The following IL13RA1 variants were observed in gnomAD, a reference collection of about 807,000 sequenced individuals.
IL13RA1 encodes the protein interleukin-13 receptor subunit alpha-1.
A neutral mutation model predicts 33.8 loss-of-function variants in IL13RA1; 14 were observed. The ratio of observed to expected loss-of-function variants is 0.41; its 90% CI spans 0.27 to 0.65. The LOEUF is 0.65. Ranked by LOEUF, IL13RA1 falls within the 30% of genes least tolerant of loss-of-function variation. IL13RA1 has a pLI of 0.28. For synonymous variants in IL13RA1, 116 were observed against 115.7 expected (o/e 1.00, Z -0.02); for missense variants, 313 against 327.0 (o/e 0.96, Z 0.33).
chrX:118,747,211 C>A, intron 3 of IL13RA1, 119 bp downstream of exon 3: 1 of 460,032 alleles, frequency 2.2e-6, no homozygotes, highest in Non-Finnish European at 3.7e-6. Flanking sequence ...CTAATAAGTG[C>A]CAGGCATTGT....
At chrX:118,786,760 A>G (rs2017923191) in intron 10 of IL13RA1, among the ~76,000 whole-genome samples, 1 of 111,796 alleles carries the variant, frequency 8.9e-6, no homozygotes, top group African/African-American at 3.3e-5. Flanking sequence ...CAGTTTCACC[A>G]GTTTCTCCTC....
intron 1 of IL13RA1, among the ~76,000 whole-genome samples, chrX:118,728,471 C>A (rs1351783780): frequency 9.0e-6 from 1 of 111,708 alleles, no homozygotes; most frequent in Admixed American, 9.5e-5. Context: ...ATATCCCTCA[C>A]CCTGTTTGGT....
intron 8 of IL13RA1, among the ~76,000 whole-genome samples, chrX:118,772,514 A>G (rs2017734132): frequency 1.8e-5 from 2 of 112,504 alleles, no homozygotes; most frequent in Admixed American, 1.9e-4. Flanking sequence ...AACATCAATC[A>G]ATATGTTTAA....
intron 1 of IL13RA1, among the ~76,000 whole-genome samples, chrX:118,738,695 G>A (rs1298958619): frequency 3.7e-5 from 4 of 108,744 alleles, no homozygotes; most frequent in African/African-American, 1.3e-4. Flanking sequence ...AGGTGCATGT[G>A]TCTTTATGAT....
chrX:118,767,798 T>C (rs141568698), intron 8 of IL13RA1, among the ~76,000 whole-genome samples: 69 of 111,381 alleles, frequency 6.2e-4, no homozygotes, highest in African/African-American at 2.0e-3. Context: ...TGACTCAACA[T>C]TGTAATCTTA....
downstream of IL13RA1, among the ~76,000 whole-genome samples, chrX:118,799,111 C>T (rs373223357): frequency 4.4e-5 from 5 of 113,202 alleles, no homozygotes; most frequent in African/African-American, 9.6e-5. Context: ...CCAATGGCTG[C>T]GGAGGGTGTA....
At chrX:118,804,014 T>C in the IL13RA1 span, among the ~76,000 whole-genome samples, 19,583 of 100,122 alleles carry the variant, frequency 0.2, 2,004 homozygotes, top group East Asian at 0.48. Flanking sequence ...TGGAGTGCAA[T>C]GGTGCGATCT....
chrX:118,800,542 C>G, the IL13RA1 span, among the ~76,000 whole-genome samples: 3 of 110,999 alleles, frequency 2.7e-5, no homozygotes, highest in Non-Finnish European at 5.7e-5. Flanking sequence ...CGGAACACAT[C>G]TGAACATCAG....
At position 118,792,950 on chromosome X, in the gene IL13RA1, G is replaced by GC. The variant is rs1164774238; in HGVS notation, c.*1101dup. 9.0e-6 allele frequency: 1 copy of GC among 111,473 alleles called. No individual in the cohort carries two copies. The highest frequency in any genetic ancestry group is 1.9e-5 in the Non-Finnish European group (1 of 53,086). The allele number at this position is 111,473 out of a possible 1,213,427, so 9.2% of individuals were successfully genotyped here. ...TTACTGTGTCTTTGGTTTGTGCTAGGCCCCCGGGTGTGAAGCACAGACCCC... is the reference window on the plus strand; with the variant it reads ...TTACTGTGTCTTTGGTTTGTGCTAGGCCCCCCGGGTGTGAAGCACAGACCCC... On this transcript the variant is annotated 3_prime_UTR_variant, in exon 11 of 11. Transcript: ENST00000371666.
chrX:118,755,736 T>C (rs2017522997), intron 4 of IL13RA1, among the ~76,000 whole-genome samples: 1 of 112,359 alleles, frequency 8.9e-6, no homozygotes, highest in African/African-American at 3.2e-5. Flanking sequence ...AAAACAATTT[T>C]ACACATGGCT....
intron 5 of IL13RA1, among the ~76,000 whole-genome samples, chrX:118,760,752 G>A (rs915105585): frequency 4.5e-5 from 5 of 112,050 alleles, no homozygotes; most frequent in Non-Finnish European, 7.5e-5. Context: ...ATCTGCAGTT[G>A]TCTCTCAGTA....
chrX:118,772,451 GATA>G (rs766995425), intron 8 of IL13RA1, among the ~76,000 whole-genome samples: 2 of 112,391 alleles, frequency 1.8e-5, no homozygotes, highest in Non-Finnish European at 3.8e-5. Flanking sequence ...GAATCTTGGA[GATA>G]ATGTTAAAAG....
chrX:118,777,696 T>C (rs1464453380), intron 10 of IL13RA1, among the ~76,000 whole-genome samples: 1 of 112,040 alleles, frequency 8.9e-6, no homozygotes. Flanking sequence ...CTGTTATAGT[T>C]GGTTTCCTGC....
downstream of IL13RA1, among the ~76,000 whole-genome samples, chrX:118,797,590 T>C (rs751247444): frequency 1.8e-5 from 2 of 112,483 alleles, no homozygotes; most frequent in South Asian, 3.7e-4. Context: ...TTCTGGGACC[T>C]GTGGCTATGT....
rs12011553 is a variant in IL13RA1, at chrX:118,780,614, G to A, written c.1191+4103G>A. ...AGTGAAGGGGGAGCAGGCATCTTAC[G>A]TGGTGAGAGTGGGAACAAGAGGGGG... On this transcript the variant is annotated intron_variant, in intron 10 of 10. Coordinates refer to ENST00000371666, the MANE Select transcript of IL13RA1 (RefSeq NM_001560.3). Among the ~76,000 whole-genome samples the A allele has an allele frequency of 7.9e-3, 889 of 112,415 alleles. 10 individuals carry two copies. Among genetic ancestry groups the A allele is most frequent in the African/African-American group, 0.027 (834 of 30,975 alleles).
At chrX:118,790,026 T>C (rs907760623) in intron 10 of IL13RA1, among the ~76,000 whole-genome samples, 2 of 112,301 alleles carry the variant, frequency 1.8e-5, no homozygotes, top group African/African-American at 6.5e-5. Context: ...AAATTTACTC[T>C]TTTTTGAGTG....
At chrX:118,781,205 A>AG (rs2017839409) in intron 10 of IL13RA1, among the ~76,000 whole-genome samples, 1 of 110,297 alleles carries the variant, frequency 9.1e-6, no homozygotes, top group Non-Finnish European at 1.9e-5. Flanking sequence ...ATCCATAAAA[A>AG]AAAAATCTGT....
intron 8 of IL13RA1, 26 bp from the exon 9 acceptor site, chrX:118,773,853 C>G: frequency 1.4e-6 from 1 of 702,546 alleles, no homozygotes; most frequent in Admixed American, 2.2e-5. Context: ...TTTCTCAAGT[C>G]TTTCTGTTTG....
intron 1 of IL13RA1, among the ~76,000 whole-genome samples, chrX:118,735,476 G>A (rs1486196774): frequency 1.8e-5 from 2 of 111,703 alleles, no homozygotes; most frequent in African/African-American, 3.2e-5. Context: ...TACTGCTTTC[G>A]CTGCATCGTC....
Sources: gnomAD v4.1 joint callset for allele counts (sites outside exome capture counted in the v4.1 genomes callset) on GRCh38, gnomAD v4.1.1 for gene constraint, MANE v1.5 for transcripts, NCBI Gene and HGNC (gene_info 2026-07-23, HGNC 2026-07-21) for gene names.